FOXJ3: variants seen among roughly 807,000 people sequenced by gnomAD.
FOXJ3 encodes the protein forkhead box J3.
FOXJ3 carries 22 observed loss-of-function variants against 76.1 expected under a neutral mutation model. The ratio of observed to expected loss-of-function variants is 0.29; its 90% CI spans 0.21 to 0.41. FOXJ3 has a LOEUF of 0.41. Ranked by LOEUF, FOXJ3 falls within the 10% of genes least tolerant of loss-of-function variation. The pLI is 1.00. For missense variants in FOXJ3, 613 were observed against 762.1 expected, an observed-to-expected ratio of 0.80 and a Z score of 2.30; for synonymous variants, 269 against 261.2, an observed-to-expected ratio of 1.03 and a Z score of -0.29.
intron 4 of FOXJ3, among the ~76,000 whole-genome samples, chr1:42,264,048 T>C (rs1278619807): frequency 1.4e-5 from 2 of 146,098 alleles, no homozygotes; most frequent in Admixed American, 7.2e-5. Context: ...ACTACAATGA[T>C]GACGGTCGCT....
At chr1:42,282,397 T>C (rs558498842) in intron 2 of FOXJ3, among the ~76,000 whole-genome samples, 11 of 152,332 alleles carry the variant, frequency 7.2e-5, no homozygotes, top group African/African-American at 2.4e-4. Context: ...ACTCCTACTA[T>C]ACTACATCTA....
At chr1:42,252,624 C>A (rs1053183153) in intron 4 of FOXJ3, among the ~76,000 whole-genome samples, 9 of 146,026 alleles carry the variant, frequency 6.2e-5, no homozygotes, top group African/African-American at 2.3e-4. Flanking sequence ...GTCTCTATTT[C>A]CTTCAGTTCT....
intron 4 of FOXJ3, among the ~76,000 whole-genome samples, chr1:42,242,868 A>G (rs1307616557): frequency 2.0e-5 from 3 of 152,228 alleles, no homozygotes; most frequent in African/African-American, 7.2e-5. Context: ...AATAGATATA[A>G]TCCAAAAAGG....
intron 4 of FOXJ3, among the ~76,000 whole-genome samples, chr1:42,242,292 G>T (rs986209279): frequency 2.0e-5 from 3 of 151,076 alleles, no homozygotes; most frequent in African/African-American, 7.3e-5. Context: ...TACCAGAAAA[G>T]AAATTTGAAA....
chr1:42,296,772 A>T (rs1018398954), intron 2 of FOXJ3, among the ~76,000 whole-genome samples: 7 of 152,200 alleles, frequency 4.6e-5, no homozygotes, highest in Admixed American at 4.6e-4. Context: ...TTTGCTTAGG[A>T]TCGCTCTGGC....
At chr1:42,181,725 G>A (rs557202693) in intron 12 of FOXJ3, among the ~76,000 whole-genome samples, 192 bp downstream of exon 12, 2 of 152,062 alleles carry the variant, frequency 1.3e-5, no homozygotes, top group Non-Finnish European at 2.9e-5. Context: ...ATTCACCATC[G>A]GGAAAGCTAA....
At position 42,178,947 on chromosome 1, in the gene FOXJ3, A is replaced by G. The variant is rs1569731765; in HGVS notation, c.*763T>C. 1 of 152,670 alleles carries G rather than the reference A, an allele frequency of 6.6e-6. No homozygotes were observed. The highest frequency in any genetic ancestry group is 2.1e-4 in the South Asian group (1 of 4,832). The allele number at this position is 152,670 out of a possible 1,614,324, so 9.5% of individuals were successfully genotyped here. On this transcript the variant is annotated 3_prime_UTR_variant, in exon 13 of 13. Coordinates refer to ENST00000361346, the MANE Select transcript of FOXJ3 (RefSeq NM_014947.5). ...TGTGGAAGCACTGATGTGTTTAAAG[A>G]GCCAAGCAATGCCCAATTTCTTACC...
chr1:42,266,649 A>G (rs1651485449), intron 3 of FOXJ3, among the ~76,000 whole-genome samples: 2 of 152,192 alleles, frequency 1.3e-5, no homozygotes, highest in Admixed American at 1.3e-4. Flanking sequence ...ATAGGTCTTT[A>G]CCATGTGTTC....
rs980647550 is a variant in FOXJ3, at chr1:42,191,855, C to T, written c.935-136G>A. The T allele has an allele frequency of 7.2e-6, 6 of 836,424 alleles. No homozygotes were observed. In the Admixed American group the frequency reaches 1.2e-4, roughly 17 times the overall value. The allele number at this position is 836,424 out of a possible 1,614,324, so 51.8% of individuals were successfully genotyped here. A position where few individuals can be genotyped will look rare whatever the true frequency, so the allele number is the denominator to read the frequency against. ...TTCAATTTAATAAGTGTTAATCCAA[C>T]ATCCACTGCACACTAGGCTCTGTGG... is the stretch of plus-strand genomic sequence containing the variant. On this transcript the variant is annotated intron_variant, in intron 8 of 12. Coordinates refer to ENST00000361346, the MANE Select transcript of FOXJ3 (RefSeq NM_014947.5).
intron 4 of FOXJ3, among the ~76,000 whole-genome samples, chr1:42,230,774 A>G (rs1648020940): frequency 1.2e-5 from 1 of 80,756 alleles, no homozygotes; most frequent in African/African-American, 3.0e-5. Flanking sequence ...TGACGGTGTA[A>G]CCACTGTAGA....
At chr1:42,222,823 T>C (rs777275531) in intron 5 of FOXJ3, among the ~76,000 whole-genome samples, 24 of 152,156 alleles carry the variant, frequency 1.6e-4, no homozygotes, top group Non-Finnish European at 3.4e-4. Flanking sequence ...CCTCAGGATC[T>C]AGAACAATAC....
intron 4 of FOXJ3, among the ~76,000 whole-genome samples, chr1:42,230,552 TTAA>T (rs1647997062): frequency 1.3e-5 from 2 of 152,208 alleles, no homozygotes; most frequent in Admixed American, 1.3e-4. Flanking sequence ...TGTAATAATT[TTAA>T]TAATTTTCTG....
chr1:42,263,322 T>C (rs1442880441), intron 4 of FOXJ3, among the ~76,000 whole-genome samples: 1 of 152,160 alleles, frequency 6.6e-6, no homozygotes, highest in East Asian at 1.9e-4. Context: ...TTCAAATTCA[T>C]TTAAAAATCC....
chr1:42,272,695 G>A (rs12402117), intron 3 of FOXJ3, among the ~76,000 whole-genome samples: 5,610 of 152,196 alleles, frequency 0.037, 126 homozygotes, highest in Middle Eastern at 0.092. Flanking sequence ...GCTGGCTATC[G>A]GCAAGGAGTA....
At chr1:42,280,464 A>AAAAC (rs1652626213) in intron 2 of FOXJ3, 2 of 940,458 alleles carry the variant, frequency 2.1e-6, no homozygotes, top group African/African-American at 1.8e-5. Context: ...AAAAAAAAAA[A>AAAAC]AACTTACTAT....
In FOXJ3 at chr1:42,211,522, G is replaced by A. The variant is rs553411877; in HGVS notation, c.529-5659C>T. Among the ~76,000 whole-genome samples the A allele has an allele frequency of 2.3e-4, 35 of 151,508 alleles. No individual in the cohort carries two copies. The South Asian group carries it at 6.9e-3, about 30-fold the overall frequency. On this transcript the variant is annotated intron_variant, in intron 5 of 12. Transcript: ENST00000361346. ...TCCCTAGCAACCTCTGCCAAGGCTG[G>A]GAACTTTGCCCACCACTGGGGTATT...
intron 11 of FOXJ3, among the ~76,000 whole-genome samples, chr1:42,188,199 A>G (rs1322331858): frequency 6.6e-6 from 1 of 152,228 alleles, no homozygotes; most frequent in Non-Finnish European, 1.5e-5. Flanking sequence ...CAATCAGAGT[A>G]GAAGACATGG....
At chr1:42,196,590 G>T (rs1410653295) in intron 7 of FOXJ3, among the ~76,000 whole-genome samples, 1 of 152,208 alleles carries the variant, frequency 6.6e-6, no homozygotes, top group Non-Finnish European at 1.5e-5. Context: ...CAACTTGAGA[G>T]GCTGAGGCAA....
chr1:42,204,123 T>C (rs1483711460), intron 6 of FOXJ3, among the ~76,000 whole-genome samples: 1 of 152,128 alleles, frequency 6.6e-6, no homozygotes, highest in Non-Finnish European at 1.5e-5. Flanking sequence ...TCTAGGCTAC[T>C]GCTCTCTGTG....
Sources: gnomAD v4.1 joint callset for allele counts (sites outside exome capture counted in the v4.1 genomes callset) on GRCh38, gnomAD v4.1.1 for gene constraint, MANE v1.5 for transcripts, NCBI Gene and HGNC (gene_info 2026-07-23, HGNC 2026-07-21) for gene names.